GPC5: variants seen among roughly 807,000 people sequenced by gnomAD.
The protein encoded by GPC5 is glypican 5, also known as glypican-5.
A neutral mutation model predicts 53.9 loss-of-function variants in GPC5; 47 were observed. The ratio of observed to expected loss-of-function variants is 0.87; its 90% CI spans 0.69 to 1.11. The LOEUF is 1.11. Among genes scored for constraint, GPC5 ranks in the 50% most tolerant of loss-of-function variants. The pLI, the probability that GPC5 is intolerant of heterozygous loss-of-function variation, is 0.00. For synonymous variants in GPC5, 286 were observed against 263.3 expected (o/e 1.09, Z -0.84); for missense variants, 748 against 713.1 (o/e 1.05, Z -0.56).
intron 3 of GPC5, among the ~76,000 whole-genome samples, chr13:91,701,129 CATG>C (rs746062511): frequency 4.6e-5 from 7 of 152,060 alleles, no homozygotes; most frequent in Admixed American, 6.6e-5. Flanking sequence ...TGGTGTACAA[CATG>C]ATATTTTGAT....
At chr13:92,176,786 C>T (rs1002583713) in intron 7 of GPC5, among the ~76,000 whole-genome samples, 4 of 152,160 alleles carry the variant, frequency 2.6e-5, no homozygotes, top group African/African-American at 9.7e-5. Context: ...TTACTGATTT[C>T]CAGCACACTA....
At chr13:91,562,602 C>G (rs557784102) in intron 2 of GPC5, among the ~76,000 whole-genome samples, 1 of 150,050 alleles carries the variant, frequency 6.7e-6, no homozygotes, top group South Asian at 2.1e-4. Flanking sequence ...TACAGGCATG[C>G]GCCATGATGC....
chr13:91,473,866 A>C (rs1445445302), intron 2 of GPC5, among the ~76,000 whole-genome samples: 1 of 152,144 alleles, frequency 6.6e-6, no homozygotes, highest in Non-Finnish European at 1.5e-5. Context: ...AATTTTATAG[A>C]GTCTGTATAA....
chr13:91,411,585 A>T (rs1877796073), intron 1 of GPC5, among the ~76,000 whole-genome samples: 1 of 152,176 alleles, frequency 6.6e-6, no homozygotes, highest in South Asian at 2.1e-4. Context: ...CAGGTTGGTT[A>T]TGACCCTTTA....
At chr13:92,434,444 C>T (rs547752113) in intron 7 of GPC5, among the ~76,000 whole-genome samples, 2 of 151,940 alleles carry the variant, frequency 1.3e-5, no homozygotes, top group African/African-American at 4.8e-5. Context: ...GTCCTATATA[C>T]TACAAGAGAA....
At chr13:92,615,321 A>G (rs1489441301) in intron 7 of GPC5, among the ~76,000 whole-genome samples, 5 of 152,236 alleles carry the variant, frequency 3.3e-5, no homozygotes, top group African/African-American at 4.8e-5. Flanking sequence ...GATAATAGAC[A>G]TAAAATCAAA....
rs541125088 is a variant in GPC5, at chr13:92,504,786, G to T, written c.1561+359797G>T. On this transcript the variant is annotated intron_variant, in intron 7 of 7. Transcript: ENST00000377067. ...GAGTACTTGGGCAACCACATGCAAA[G>T]AAAAGAGCACTGAATTAAACTTCAC... is the stretch of plus-strand genomic sequence containing the variant. 2.0e-5 allele frequency among the ~76,000 whole-genome samples: 3 copies of T among 150,846 alleles called. No homozygotes were observed. In the East Asian group the frequency reaches 5.8e-4, roughly 29 times the overall value.
At chr13:92,412,054 T>A (rs1217199278) in intron 7 of GPC5, among the ~76,000 whole-genome samples, 1 of 152,230 alleles carries the variant, frequency 6.6e-6, no homozygotes, top group Non-Finnish European at 1.5e-5. Flanking sequence ...CATACGGTTC[T>A]CTTCCTACCA....
intron 6 of GPC5, among the ~76,000 whole-genome samples, chr13:92,099,907 C>A (rs2138909979): frequency 6.6e-6 from 1 of 152,226 alleles, no homozygotes; most frequent in Non-Finnish European, 1.5e-5. Flanking sequence ...CTGTACAGGC[C>A]TGATTTAATC....
At chr13:92,214,063 T>C (rs1032185947) in intron 7 of GPC5, among the ~76,000 whole-genome samples, 2 of 152,202 alleles carry the variant, frequency 1.3e-5, no homozygotes, top group Admixed American at 1.3e-4. Context: ...AAGAAAATCA[T>C]ACATGATTAG....
chr13:91,920,615 A>G (rs2139016034), intron 6 of GPC5, among the ~76,000 whole-genome samples: 1 of 152,332 alleles, frequency 6.6e-6, no homozygotes. Flanking sequence ...CAAAGTAATC[A>G]TTGTGAAATT....
intron 7 of GPC5, among the ~76,000 whole-genome samples, chr13:92,372,773 G>T (rs1209933377): frequency 6.6e-6 from 1 of 152,094 alleles, no homozygotes; most frequent in African/African-American, 2.4e-5. Context: ...TGAGTACTGT[G>T]GGCTCAAGTA....
chr13:92,510,046 T>C (rs1319357119), intron 7 of GPC5: 1 of 152,144 alleles, frequency 6.6e-6, no homozygotes, highest in Non-Finnish European at 1.5e-5. Flanking sequence ...TAAATAGGGT[T>C]ACCATCCTAA....
At chr13:91,687,723 C>T (rs1046331489) in intron 2 of GPC5, among the ~76,000 whole-genome samples, 3 of 151,952 alleles carry the variant, frequency 2.0e-5, no homozygotes, top group Non-Finnish European at 4.4e-5. Context: ...TTGAAATTCT[C>T]AATGAAAAAC....
At chr13:92,696,936 A>G (rs939882961) in intron 7 of GPC5, among the ~76,000 whole-genome samples, 1 of 152,080 alleles carries the variant, frequency 6.6e-6, no homozygotes, top group Non-Finnish European at 1.5e-5. Flanking sequence ...TTTTCCCAAC[A>G]CCATTTATTA....
Position 92,675,018 on chromosome 13 carries a change from G to T in GPC5, c.1562-191264G>T, listed in dbSNP as rs532355651. 3.9e-5 allele frequency among the ~76,000 whole-genome samples: 6 copies of T among 152,150 alleles called. No homozygotes were observed. In the East Asian group the frequency reaches 1.2e-3, roughly 29 times the overall value. On this transcript the variant is annotated intron_variant, in intron 7 of 7. Coordinates refer to ENST00000377067, the MANE Select transcript of GPC5 (RefSeq NM_004466.6). ...TTTTTATTGTTATCTTTGCTGTTTT[G>T]AGTTATATTTTTATTTTTGTATGTA...
rs1341119374 is a variant in GPC5 at position 91,678,800 on chromosome 13, G to T, written c.326-14387G>T. On this transcript the variant is annotated intron_variant, in intron 2 of 7. Transcript: ENST00000377067. ...ACTTTAAAGGAAAAGATTGAGGTAA[G>T]TTATCATTATGTAATTTGAGAAACT... 2.0e-5 allele frequency among the ~76,000 whole-genome samples: 3 copies of T among 151,776 alleles called. No individual in the cohort carries two copies. In the East Asian group the frequency reaches 5.8e-4, roughly 29 times the overall value.
intron 7 of GPC5, among the ~76,000 whole-genome samples, chr13:92,307,324 G>A (rs1327746680): frequency 2.0e-5 from 3 of 152,150 alleles, no homozygotes; most frequent in Non-Finnish European, 4.4e-5. Context: ...CATGGTAGCA[G>A]GCGTCTGTAA....
chr13:92,228,792 C>T (rs2042507993), intron 7 of GPC5, among the ~76,000 whole-genome samples: 2 of 151,928 alleles, frequency 1.3e-5, no homozygotes, highest in Admixed American at 6.6e-5. Flanking sequence ...AAAGAAAGAA[C>T]TTGGGAATTC....
Sources: gnomAD v4.1 joint callset for allele counts (sites outside exome capture counted in the v4.1 genomes callset) on GRCh38, gnomAD v4.1.1 for gene constraint, MANE v1.5 for transcripts, NCBI Gene and HGNC (gene_info 2026-07-23, HGNC 2026-07-21) for gene names.